Variants in RAPGEF1 observed in about 807,000 individuals in gnomAD.
RAPGEF1 encodes the protein CRK SH3-binding GNRP.
RAPGEF1 carries 33 observed loss-of-function variants against 143.3 expected under a neutral mutation model. The observed-to-expected ratio is 0.23, with a 90% CI of 0.17 to 0.31. The LOEUF (loss-of-function observed/expected upper bound fraction) is 0.31. RAPGEF1 is among the 10% of genes least tolerant of loss of function. The probability of loss-of-function intolerance (pLI) is 1.00; values close to 1 mark genes in which losing one functional copy is unlikely to be tolerated. For missense variants in RAPGEF1, 1,199 were observed against 1,645.4 expected (o/e 0.73, Z 4.69); for synonymous variants, 629 against 676.5 (o/e 0.93, Z 1.09).
At chr9:131,683,851 G>T (rs1476338162) in intron 1 of RAPGEF1, among the ~76,000 whole-genome samples, 1 of 152,080 alleles carries the variant, frequency 6.6e-6, no homozygotes, top group Non-Finnish European at 1.5e-5. Context: ...GCTCAGTTAT[G>T]ATTTCATACA....
In RAPGEF1 at chr9:131,648,695, G is replaced by A. The variant is rs1970320922; in HGVS notation, c.315+1434C>T. ...AATTTAGATCAATCTGGCAAACACT[G>A]ACTGTTTCCCTCTTGCTTGTCAGTC... On this transcript the variant is annotated intron_variant, in intron 3 of 26. Coordinates refer to ENST00000683357, the MANE Select transcript of RAPGEF1 (RefSeq NM_001377935.1). Among the ~76,000 whole-genome samples, 4 of 152,214 alleles carry A rather than the reference G, an allele frequency of 2.6e-5. No individual in the cohort carries two copies. The South Asian group carries it at 6.2e-4, about 24-fold the overall frequency.
chr9:131,644,386 T>C lies in RAPGEF1; in HGVS notation c.316-969A>G, dbSNP rs1468391184. Among the ~76,000 whole-genome samples the C allele has an allele frequency of 3.6e-5, 5 of 138,258 alleles. No individual in the cohort carries two copies. The East Asian group carries it at 1.1e-3, about 31-fold the overall frequency. 90.7% of individuals were successfully genotyped at this position (138,258 alleles called of 152,430 possible). The stretch of plus-strand genomic sequence containing the variant: ...CTGAACCTGTTCTGGTTTGGGAGGC[T>C]GTCCTTTAAAAAAAAAAAAAAAAAG... On this transcript the variant is annotated intron_variant, in intron 3 of 26. Coordinates refer to ENST00000683357, the MANE Select transcript of RAPGEF1 (RefSeq NM_001377935.1).
At chr9:131,634,771 T>C (rs931390772) in intron 5 of RAPGEF1, among the ~76,000 whole-genome samples, 2 of 92,828 alleles carry the variant, frequency 2.2e-5, no homozygotes, top group African/African-American at 9.2e-5. Flanking sequence ...AGGGCTTAAA[T>C]AACAGTTGAC....
chr9:131,730,092 G>A (rs533017550), intron 1 of RAPGEF1, among the ~76,000 whole-genome samples: 47 of 150,868 alleles, frequency 3.1e-4, no homozygotes, highest in African/African-American at 1.1e-3. Flanking sequence ...TACTCAGGAG[G>A]CTGAGGCAGG....
At chr9:131,631,055 C>A (rs184664848) in intron 5 of RAPGEF1, among the ~76,000 whole-genome samples, 13 of 152,136 alleles carry the variant, frequency 8.5e-5, no homozygotes, top group Middle Eastern at 6.8e-3. Flanking sequence ...CTATCACCGT[C>A]TCCAGCCAAT....
chr9:131,724,573 C>T (rs762799840), intron 1 of RAPGEF1, among the ~76,000 whole-genome samples: 12 of 151,854 alleles, frequency 7.9e-5, no homozygotes, highest in Non-Finnish European at 1.8e-4. Flanking sequence ...CCAGCCTGGG[C>T]GACTGAGCGA....
intron 1 of RAPGEF1, among the ~76,000 whole-genome samples, chr9:131,692,274 G>T (rs1036013448): frequency 5.9e-5 from 9 of 152,210 alleles, no homozygotes; most frequent in African/African-American, 2.2e-4. Context: ...AAATGAGGGT[G>T]ACTGTAGAGA....
chr9:131,632,468 TG>T (rs1965201849), intron 5 of RAPGEF1, among the ~76,000 whole-genome samples: 1 of 151,986 alleles, frequency 6.6e-6, no homozygotes, highest in Non-Finnish European at 1.5e-5. Flanking sequence ...CCAAGAAAAA[TG>T]TCATGAATGT....
intron 3 of RAPGEF1, among the ~76,000 whole-genome samples, chr9:131,645,004 C>T (rs967640138): frequency 6.6e-5 from 10 of 152,202 alleles, no homozygotes; most frequent in African/African-American, 1.4e-4. Flanking sequence ...CACAATTCTC[C>T]CATGGTGGGG....
intron 25 of RAPGEF1, among the ~76,000 whole-genome samples, chr9:131,581,927 A>G (rs1024963828): frequency 5.9e-5 from 9 of 152,194 alleles, no homozygotes; most frequent in Non-Finnish European, 1.2e-4. Flanking sequence ...GCAGCCCTGC[A>G]GTAACCCTAT....
At chr9:131,598,386 G>C in intron 15 of RAPGEF1, 76 bp from the exon 16 acceptor site, 5 of 1,294,280 alleles carry the variant, frequency 3.9e-6, no homozygotes, top group Non-Finnish European at 5.5e-6. Context: ...AGGCAGTGCC[G>C]GTGTGCACGG....
At chr9:131,734,670 T>C (rs1475981773) in intron 1 of RAPGEF1, among the ~76,000 whole-genome samples, 1 of 152,204 alleles carries the variant, frequency 6.6e-6, no homozygotes, top group Non-Finnish European at 1.5e-5. Flanking sequence ...CGAAATACAA[T>C]GACTGCCAAT....
chr9:131,661,564 T>C (rs140649825), intron 1 of RAPGEF1, among the ~76,000 whole-genome samples: 233 of 152,286 alleles, frequency 1.5e-3, no homozygotes, highest in African/African-American at 5.1e-3. Flanking sequence ...ACATAAGGTA[T>C]GTGTATATAC....
At chr9:131,626,609 G>A (rs1026170701) in intron 9 of RAPGEF1, among the ~76,000 whole-genome samples, 187 bp from the exon 10 acceptor site, 3 of 151,890 alleles carry the variant, frequency 2.0e-5, no homozygotes, top group Admixed American at 6.5e-5. Flanking sequence ...AAACCAGATG[G>A]GAATATGGCT....
At chr9:131,680,203 A>G (rs1448732682) in intron 1 of RAPGEF1, among the ~76,000 whole-genome samples, 1 of 152,232 alleles carries the variant, frequency 6.6e-6, no homozygotes, top group African/African-American at 2.4e-5. Context: ...TTGGGGTTCA[A>G]TATGCTTAAC....
At chr9:131,657,038 G>A (rs982223545) in intron 1 of RAPGEF1, among the ~76,000 whole-genome samples, 2 of 152,242 alleles carry the variant, frequency 1.3e-5, no homozygotes. Context: ...CACTAACTAG[G>A]ACAGTATGTT....
intron 3 of RAPGEF1, among the ~76,000 whole-genome samples, chr9:131,648,199 G>A (rs997051126): frequency 4.6e-5 from 7 of 152,128 alleles, no homozygotes; most frequent in Non-Finnish European, 1.0e-4. Flanking sequence ...AGACCAGCCT[G>A]GCCAACATGG....
intron 6 of RAPGEF1, among the ~76,000 whole-genome samples, chr9:131,629,904 C>A (rs1771870661): frequency 6.6e-6 from 1 of 152,066 alleles, no homozygotes; most frequent in Admixed American, 6.6e-5. Context: ...CTTGATCAAA[C>A]AAGAGTGCTC....
chr9:131,600,206 C>A (rs924074145), intron 15 of RAPGEF1, among the ~76,000 whole-genome samples: 1 of 152,184 alleles, frequency 6.6e-6, no homozygotes, highest in Non-Finnish European at 1.5e-5. Flanking sequence ...TGCTCCACAT[C>A]TCGTCAATGT....
Sources: gnomAD v4.1 joint callset for allele counts (sites outside exome capture counted in the v4.1 genomes callset) on GRCh38, gnomAD v4.1.1 for gene constraint, MANE v1.5 for transcripts, NCBI Gene and HGNC (gene_info 2026-07-23, HGNC 2026-07-21) for gene names.